The following MYO1D variants were observed in gnomAD, a reference collection of about 807,000 sequenced individuals.
The protein encoded by MYO1D is myosin ID, also known as unconventional myosin-Id.
MYO1D carries 83 observed loss-of-function variants against 122.0 expected under a neutral mutation model. That is an observed-to-expected ratio of 0.68 (90% CI 0.57 to 0.82). MYO1D has a LOEUF of 0.82. Among genes scored for constraint, MYO1D ranks in the 40% least tolerant of loss-of-function variants. The pLI is 0.00. For synonymous variants in MYO1D, 464 were observed against 446.9 expected (o/e 1.04, Z -0.48); for missense variants, 1,157 against 1,269.5 (o/e 0.91, Z 1.35).
intron 1 of MYO1D, among the ~76,000 whole-genome samples, chr17:32,798,611 G>T (rs1413934666): frequency 2.0e-5 from 3 of 152,178 alleles, no homozygotes; most frequent in Non-Finnish European, 4.4e-5. Context: ...AGCTAAGAAT[G>T]TGAGATGGCA....
intron 15 of MYO1D, among the ~76,000 whole-genome samples, chr17:32,713,959 A>G (rs899123892): frequency 2.6e-5 from 4 of 151,834 alleles, no homozygotes; most frequent in African/African-American, 9.7e-5. Flanking sequence ...GAGTTGTCCT[A>G]TTCAAGAACA....
chr17:32,585,004 G>T (rs904072716), intron 21 of MYO1D, among the ~76,000 whole-genome samples: 1 of 152,134 alleles, frequency 6.6e-6, no homozygotes, highest in Admixed American at 6.5e-5. Flanking sequence ...AAGCACAGAA[G>T]GCCAAGAATT....
intron 14 of MYO1D, among the ~76,000 whole-genome samples, chr17:32,730,722 T>TATA (rs1277988034): frequency 6.6e-6 from 1 of 152,174 alleles, no homozygotes; most frequent in Non-Finnish European, 1.5e-5. Flanking sequence ...TTACTAGGTG[T>TATA]CTATATGCAG....
intron 21 of MYO1D, among the ~76,000 whole-genome samples, chr17:32,569,440 T>C (rs1042408314): frequency 6.6e-5 from 10 of 152,198 alleles, no homozygotes; most frequent in Non-Finnish European, 1.3e-4. Flanking sequence ...AATTCTGCAA[T>C]AGTATCTGCC....
intron 16 of MYO1D, among the ~76,000 whole-genome samples, chr17:32,706,208 G>C (rs927892900): frequency 6.6e-5 from 10 of 152,130 alleles, no homozygotes; most frequent in Admixed American, 6.6e-4. Flanking sequence ...CCAGGTTCAA[G>C]CAATTCTCGT....
chr17:32,617,426 G>T (rs1401281691), intron 20 of MYO1D, among the ~76,000 whole-genome samples: 1 of 152,244 alleles, frequency 6.6e-6, no homozygotes, highest in East Asian at 1.9e-4. Flanking sequence ...GCAGAGAGAA[G>T]CCACCTGCTT....
At chr17:32,722,139 A>G (rs1598040022) in intron 14 of MYO1D, among the ~76,000 whole-genome samples, 1 of 152,218 alleles carries the variant, frequency 6.6e-6, no homozygotes, top group Non-Finnish European at 1.5e-5. Flanking sequence ...TTTGAACAGA[A>G]TAACAGTTTT....
At chr17:32,815,273 C>T (rs1243349605) in intron 1 of MYO1D, among the ~76,000 whole-genome samples, 1 of 152,182 alleles carries the variant, frequency 6.6e-6, no homozygotes, top group Non-Finnish European at 1.5e-5. Context: ...CATTTTGCTA[C>T]ATAAACTACT....
chr17:32,751,782 C>CA (rs1567624150), intron 11 of MYO1D, among the ~76,000 whole-genome samples: 1 of 151,708 alleles, frequency 6.6e-6, no homozygotes, highest in Non-Finnish European at 1.5e-5. Context: ...ATAGATGACA[C>CA]AAAAAAATGA....
In MYO1D at chr17:32,609,247, GTCTGTTCTTCT is replaced by G. The variant is rs2087668737; in HGVS notation, c.2710-4017_2710-4007del. On this transcript the variant is annotated intron_variant, in intron 20 of 21. Coordinates refer to ENST00000318217, the MANE Select transcript of MYO1D (RefSeq NM_015194.3). Reference sequence around the variant, plus strand: ...GTCAGAGTGATTTCCTCATTCTGTGGTCTGTTCTTCTATTGCATAAAATACCGAAGTGCCAC... The same window carrying G: ...GTCAGAGTGATTTCCTCATTCTGTGGATTGCATAAAATACCGAAGTGCCAC... Among the ~76,000 whole-genome samples, 3 of 152,286 alleles carry G rather than the reference GTCTGTTCTTCT, an allele frequency of 2.0e-5. No homozygotes were observed. The East Asian group carries it at 5.8e-4, about 29-fold the overall frequency.
rs1483361757 is a variant in MYO1D, at chr17:32,492,779, C to T, written c.*1980G>A. On this transcript the variant is annotated 3_prime_UTR_variant, in exon 22 of 22. Coordinates refer to ENST00000318217, the MANE Select transcript of MYO1D (RefSeq NM_015194.3). ...ATGCCCGCTTCCTTTCCCCTCAGCG[C>T]CCGGGACACGTGACCGAGATCATAC... The T allele has an allele frequency of 6.6e-6, 1 of 152,588 alleles. No individual in the cohort carries two copies. The highest frequency in any genetic ancestry group is 1.5e-5 in the Non-Finnish European group (1 of 68,036). The allele number at this position is 152,588 out of a possible 1,614,324, so 9.5% of individuals were successfully genotyped here. A position where few individuals can be genotyped will look rare whatever the true frequency, so the allele number is the denominator to read the frequency against.
At chr17:32,701,628 T>A (rs2089250237) in intron 16 of MYO1D, among the ~76,000 whole-genome samples, 1 of 152,192 alleles carries the variant, frequency 6.6e-6, no homozygotes, top group Non-Finnish European at 1.5e-5. Context: ...GGTGGCGCAA[T>A]CATGTCTTAC....
intron 21 of MYO1D, among the ~76,000 whole-genome samples, chr17:32,508,023 A>C (rs1242112635): frequency 6.6e-6 from 1 of 150,894 alleles, no homozygotes; most frequent in Non-Finnish European, 1.5e-5. Context: ...CAGCCTCCTG[A>C]GTAGCTGGGA....
intron 1 of MYO1D, among the ~76,000 whole-genome samples, chr17:32,822,232 G>A (rs1022230953): frequency 6.6e-6 from 1 of 152,134 alleles, no homozygotes; most frequent in Non-Finnish European, 1.5e-5. Context: ...TAGGGACATG[G>A]ATGAAGCTGG....
chr17:32,624,301 T>G (rs1156317340), intron 20 of MYO1D, among the ~76,000 whole-genome samples: 3 of 149,442 alleles, frequency 2.0e-5, no homozygotes, highest in Non-Finnish European at 4.4e-5. Flanking sequence ...GTCCTCTCAC[T>G]TTGGCTTCCC....
rs766199884 is a variant in MYO1D at position 32,712,109 on chromosome 17, C to A, written c.2000G>T (p.Gly667Val). The A allele has an allele frequency of 1.8e-5, 29 of 1,613,958 alleles. No homozygotes were observed. The highest frequency in any genetic ancestry group is 2.4e-5 in the Non-Finnish European group (28 of 1,179,992). Reference protein sequence around the residue: ...EAVKKLIERCGFQDDVAYGKT... With the variant: ...EAVKKLIERCVFQDDVAYGKT... ...CCCATAAGCTACATCATCCTGAAAA[C>A]CACACCGTTCAATTAGTTTCTTGAC... is the stretch of plus-strand genomic sequence containing the variant. The change falls in exon 16 of 22, where the codon GGT (glycine) becomes GTT (valine). Residue 667 changes from glycine to valine, a missense_variant. By Grantham distance (109) the Gly-to-Val change is moderately radical (BLOSUM62 -3). Coordinates refer to ENST00000318217, the MANE Select transcript of MYO1D (RefSeq NM_015194.3).
At chr17:32,862,084 C>T (rs899485500) in intron 1 of MYO1D, among the ~76,000 whole-genome samples, 4 of 152,194 alleles carry the variant, frequency 2.6e-5, no homozygotes, top group South Asian at 2.1e-4. Context: ...ATTGTTCCCC[C>T]GCTCCCCACC....
At chr17:32,645,883 G>A (rs1033008728) in intron 19 of MYO1D, among the ~76,000 whole-genome samples, 9 of 152,176 alleles carry the variant, frequency 5.9e-5, no homozygotes, top group Non-Finnish European at 1.2e-4. Context: ...TTGATCATCT[G>A]AAGCCTTCTT....
intron 21 of MYO1D, among the ~76,000 whole-genome samples, chr17:32,574,892 T>C (rs2087264911): frequency 1.3e-5 from 2 of 152,320 alleles, no homozygotes; most frequent in African/African-American, 2.4e-5. Context: ...GCTAGCTGTA[T>C]GACCCTGGAC....
Sources: allele counts gnomAD v4.1 joint callset (sites outside exome capture counted in the v4.1 genomes callset), GRCh38; gene constraint gnomAD v4.1.1; transcripts MANE v1.5; gene names NCBI Gene and HGNC (gene_info 2026-07-23, HGNC 2026-07-21).